Variants in SHTN1 observed in about 807,000 individuals in gnomAD.
SHTN1 encodes the protein shootin-1.
Under a neutral mutation model 83.1 loss-of-function variants are expected in SHTN1, and 42 were observed. That is an observed-to-expected ratio of 0.51 (90% CI 0.39 to 0.65). The LOEUF is 0.65. Ranked by LOEUF, SHTN1 falls within the 30% of genes least tolerant of loss-of-function variation. SHTN1 has a pLI of 0.00. For missense variants in SHTN1, 622 were observed against 737.8 expected (o/e 0.84, Z 1.82); for synonymous variants, 224 against 247.7 (o/e 0.90, Z 0.90).
rs549536180 is a variant in SHTN1, at chr10:116,987,752, T to TA, written c.59-8445dup. On this transcript the variant is annotated intron_variant, in intron 1 of 16. Transcript: ENST00000355371. ...CAACATAGTGAAACCCCGTCTCTACTAAAAAAACAAAAATTAGCCAGGAGT... is the reference window on the plus strand; with the variant it reads ...CAACATAGTGAAACCCCGTCTCTACTAAAAAAAACAAAAATTAGCCAGGAGT... Among the ~76,000 whole-genome samples the TA allele has an allele frequency of 2.6e-5, 4 of 151,964 alleles. No homozygotes were observed. In the South Asian group the frequency reaches 6.3e-4, roughly 24 times the overall value.
At chr10:117,017,490 CAA>C (rs34947397) in intron 2 of SHTN1, among the ~76,000 whole-genome samples, 1 of 126,598 alleles carries the variant, frequency 7.9e-6, no homozygotes, top group Non-Finnish European at 1.6e-5. Context: ...GACTCCGTCT[CAA>C]AAAAAAAAAA....
In SHTN1 at chr10:117,038,923, A is replaced by C. The variant is rs150770556; in HGVS notation, c.-123+9522T>G. Among the ~76,000 whole-genome samples, 234 of 152,338 alleles carry C rather than the reference A, an allele frequency of 1.5e-3. 1 individual carries two copies. The highest frequency in any genetic ancestry group is 5.4e-3 in the African/African-American group (223 of 41,580). On this transcript the variant is annotated intron_variant, in intron 2 of 17. Transcript: ENST00000392901. ...TGCAAAATAATACAGCCACTTTGGA[A>C]GACGGTTTGGTAGTTCTTACGAAAC... is the stretch of plus-strand genomic sequence containing the variant.
At chr10:116,891,319 G>C (rs770687337) in intron 16 of SHTN1, among the ~76,000 whole-genome samples, 29 of 152,144 alleles carry the variant, frequency 1.9e-4, no homozygotes, top group Non-Finnish European at 4.1e-4. Context: ...CTTTCAAATC[G>C]CAACAGCTGG....
intron 1 of SHTN1, among the ~76,000 whole-genome samples, chr10:117,073,231 G>A (rs1853109469): frequency 6.6e-6 from 1 of 152,160 alleles, no homozygotes; most frequent in African/African-American, 2.4e-5. Context: ...CCAAACCTAA[G>A]AATAATTGGT....
chr10:117,013,544 G>C (rs1564930854), intron 2 of SHTN1, among the ~76,000 whole-genome samples: 1 of 152,154 alleles, frequency 6.6e-6, no homozygotes, highest in South Asian at 2.1e-4. Context: ...CTAGTGAAAT[G>C]CAAGTTAAAA....
intron 4 of SHTN1, among the ~76,000 whole-genome samples, chr10:116,959,368 C>T (rs957251818): frequency 2.0e-5 from 3 of 152,100 alleles, no homozygotes; most frequent in African/African-American, 7.2e-5. Context: ...ATACAAATTA[C>T]ATTTATTTAT....
chr10:117,024,499 C>T (rs984814650), intron 2 of SHTN1, among the ~76,000 whole-genome samples: 22 of 151,688 alleles, frequency 1.5e-4, no homozygotes, highest in Non-Finnish European at 2.6e-4. Flanking sequence ...GGACTACAGG[C>T]GCCCACCACC....
chr10:117,049,583 C>T (rs971458077), intron 1 of SHTN1, among the ~76,000 whole-genome samples: 2 of 152,014 alleles, frequency 1.3e-5, no homozygotes, highest in Admixed American at 6.6e-5. Context: ...GGTATAGGAC[C>T]GCAGTAAATG....
At chr10:116,895,420 T>C (rs937646349) in intron 16 of SHTN1, among the ~76,000 whole-genome samples, 2 of 152,252 alleles carry the variant, frequency 1.3e-5, no homozygotes, top group Non-Finnish European at 2.9e-5. Flanking sequence ...AAATAATTTC[T>C]TTCCAATTAT....
intron 1 of SHTN1, among the ~76,000 whole-genome samples, chr10:117,109,213 TC>T (rs1853723724): frequency 6.6e-6 from 1 of 152,172 alleles, no homozygotes; most frequent in Non-Finnish European, 1.5e-5. Flanking sequence ...GGCACAGGCT[TC>T]AGACTTCTGA....
chr10:117,121,771 G>A (rs979653297), intron 1 of SHTN1, among the ~76,000 whole-genome samples: 3 of 152,108 alleles, frequency 2.0e-5, no homozygotes, highest in African/African-American at 7.2e-5. Context: ...GGTGGCTCAC[G>A]CCTGTAATCC....
intron 12 of SHTN1, among the ~76,000 whole-genome samples, chr10:116,918,403 C>A (rs895990551): frequency 1.3e-5 from 2 of 151,226 alleles, no homozygotes; most frequent in African/African-American, 4.9e-5. Flanking sequence ...CTTGAAGAAA[C>A]GAAAATGAAT....
At chr10:117,091,333 A>T (rs998444510) in intron 1 of SHTN1, among the ~76,000 whole-genome samples, 4 of 152,224 alleles carry the variant, frequency 2.6e-5, no homozygotes, top group Non-Finnish European at 5.9e-5. Flanking sequence ...TTTAAATTTT[A>T]TAGATGAGGA....
chr10:116,892,491 A>G (rs1011713632), intron 16 of SHTN1, among the ~76,000 whole-genome samples: 1 of 152,248 alleles, frequency 6.6e-6, no homozygotes, highest in Non-Finnish European at 1.5e-5. Context: ...CATGTTATTT[A>G]TAAGAAATAT....
intron 1 of SHTN1, among the ~76,000 whole-genome samples, chr10:117,085,703 T>C (rs1853340319): frequency 6.6e-6 from 1 of 152,228 alleles, no homozygotes; most frequent in South Asian, 2.1e-4. Flanking sequence ...TGACAATTAC[T>C]GATAGAAGTG....
At chr10:116,936,542 G>T (rs1416883215) in intron 9 of SHTN1, among the ~76,000 whole-genome samples, 2 of 151,616 alleles carry the variant, frequency 1.3e-5, no homozygotes, top group Non-Finnish European at 3.0e-5. Flanking sequence ...GACTGTTTAT[G>T]ATTTCCATTC....
At chr10:116,894,629 A>C (rs1399875164) in intron 16 of SHTN1, among the ~76,000 whole-genome samples, 1 of 152,254 alleles carries the variant, frequency 6.6e-6, no homozygotes, top group African/African-American at 2.4e-5. Context: ...ATGGAACAGG[A>C]GTTCCCTTTC....
At chr10:117,057,283 C>T (rs115101670) in intron 1 of SHTN1, among the ~76,000 whole-genome samples, 1,966 of 152,294 alleles carry the variant, frequency 0.013, 35 homozygotes, top group African/African-American at 0.044. Context: ...ATTAGCTCAG[C>T]AGCAGCTATC....
upstream of SHTN1, among the ~76,000 whole-genome samples, chr10:117,005,987 C>G (rs1204472496): frequency 1.3e-5 from 2 of 152,190 alleles, no homozygotes; most frequent in Non-Finnish European, 2.9e-5. Context: ...GTTCACTGCC[C>G]TCTGAACTAT....
Sources: gnomAD v4.1 joint callset for allele counts (sites outside exome capture counted in the v4.1 genomes callset) on GRCh38, gnomAD v4.1.1 for gene constraint, MANE v1.5 for transcripts, NCBI Gene and HGNC (gene_info 2026-07-23, HGNC 2026-07-21) for gene names.